PPP2R5D: variants seen among roughly 807,000 people sequenced by gnomAD.
PPP2R5D encodes protein phosphatase 2 regulatory subunit B'delta.
A neutral mutation model predicts 79.1 loss-of-function variants in PPP2R5D; 12 were observed. The observed-to-expected ratio is 0.15, with a 90% confidence interval of 0.10 to 0.25. PPP2R5D has a LOEUF of 0.25. PPP2R5D is among the 10% of genes least tolerant of loss of function. The pLI, the probability that PPP2R5D is intolerant of heterozygous loss-of-function variation, is 1.00. For synonymous variants in PPP2R5D, 277 were observed against 286.6 expected (o/e 0.97, Z 0.34); for missense variants, 419 against 760.2 (o/e 0.55, Z 5.28).
chr6:43,002,878 G>A (rs570368255), intron 2 of PPP2R5D, among the ~76,000 whole-genome samples: 34 of 152,274 alleles, frequency 2.2e-4, no homozygotes, highest in African/African-American at 7.2e-4. Flanking sequence ...GAGGCCAAGA[G>A]GTCACCTTTC....
rs549130448 is a variant in PPP2R5D at position 42,985,844 on chromosome 6, C to G, written c.27+1140C>G. 2.0e-5 allele frequency among the ~76,000 whole-genome samples: 3 copies of G among 146,674 alleles called. No homozygotes were observed. The East Asian group carries it at 6.0e-4, about 30-fold the overall frequency. On this transcript the variant is annotated intron_variant, in intron 1 of 15. Coordinates refer to ENST00000485511, the MANE Select transcript of PPP2R5D (RefSeq NM_006245.4). Reference sequence around the variant, plus strand: ...CCAGGCTGGAGTGCAATGGCGCGATCTCGGCTCACCACAACCTCTGCCTTC... The same window carrying G: ...CCAGGCTGGAGTGCAATGGCGCGATGTCGGCTCACCACAACCTCTGCCTTC...
chr6:43,001,267 G>A (rs9462863), intron 2 of PPP2R5D, among the ~76,000 whole-genome samples: 2 of 151,960 alleles, frequency 1.3e-5, no homozygotes, highest in Non-Finnish European at 2.9e-5. Context: ...TCAGCCTCCC[G>A]AGTAGCTGGG....
intron 2 of PPP2R5D, among the ~76,000 whole-genome samples, chr6:42,989,992 C>T (rs2150251569): frequency 6.6e-6 from 1 of 152,202 alleles, no homozygotes; most frequent in East Asian, 1.9e-4. Flanking sequence ...TTCTGGGATC[C>T]TGGGCAAAAG....
chr6:42,988,904 A>G (rs1483344747), intron 1 of PPP2R5D, among the ~76,000 whole-genome samples: 3 of 152,172 alleles, frequency 2.0e-5, no homozygotes, highest in African/African-American at 7.2e-5. Flanking sequence ...CTCGAAGCAT[A>G]GGAAGAGATG....
At chr6:42,999,699 C>T (rs1772040870) in intron 2 of PPP2R5D, among the ~76,000 whole-genome samples, 1 of 149,158 alleles carries the variant, frequency 6.7e-6, no homozygotes, top group African/African-American at 2.5e-5. Context: ...CTGAGTAGCT[C>T]GGATTACAGG....
chr6:43,009,050 C>G lies in PPP2R5D; in HGVS notation c.1081-7C>G. On this transcript the variant is annotated splice_region_variant and splice_polypyrimidine_tract_variant and intron_variant, in intron 10 of 15. Coordinates refer to ENST00000485511, the MANE Select transcript of PPP2R5D (RefSeq NM_006245.4). This position sits in a 1 kb window ranked among gnomAD's most constrained non-coding sequence, Gnocchi z 5.6. The stretch of plus-strand genomic sequence containing the variant: ...ATTTTCATCCCCATGCCCTCCTTGT[C>G]TCCCAGGTAATTGTGGGACTTCTCA... The G allele has an allele frequency of 6.2e-7, 1 of 1,613,012 alleles. No individual in the cohort carries two copies.
At chr6:42,997,443 C>T (rs1387416866) in intron 2 of PPP2R5D, among the ~76,000 whole-genome samples, 3 of 152,134 alleles carry the variant, frequency 2.0e-5, no homozygotes, top group African/African-American at 7.2e-5. Flanking sequence ...CTGCCCACCT[C>T]AGCCTCCCAA....
chr6:42,987,952 C>T (rs1770975247), intron 1 of PPP2R5D, among the ~76,000 whole-genome samples: 1 of 152,158 alleles, frequency 6.6e-6, no homozygotes, highest in Non-Finnish European at 1.5e-5. Context: ...CCTGCCTGCA[C>T]CCTGCCCCCG....
intron 1 of PPP2R5D, among the ~76,000 whole-genome samples, chr6:42,988,117 C>T (rs892101690): frequency 1.7e-4 from 26 of 152,296 alleles, no homozygotes; most frequent in African/African-American, 5.5e-4. Flanking sequence ...TCCTCCCCAC[C>T]TCCAAGAAGC....
intron 1 of PPP2R5D, among the ~76,000 whole-genome samples, chr6:42,986,234 A>G (rs1770834308): frequency 6.6e-6 from 1 of 152,116 alleles, no homozygotes; most frequent in South Asian, 2.1e-4. Flanking sequence ...AGACTCACAC[A>G]TAGGATGCTA....
chr6:43,002,525 G>A (rs1430400794), intron 2 of PPP2R5D, among the ~76,000 whole-genome samples: 2 of 152,072 alleles, frequency 1.3e-5, no homozygotes, highest in Non-Finnish European at 2.9e-5. Context: ...TACACACCAA[G>A]TGCTGGCCCC....
In PPP2R5D at chr6:42,984,674, C is replaced by G. The variant is rs778318166; in HGVS notation, c.-4C>G. The G allele has an allele frequency of 6.8e-6, 11 of 1,608,464 alleles. No individual in the cohort carries two copies. Among genetic ancestry groups the G allele is most frequent in the Non-Finnish European group, 9.3e-6 (11 of 1,177,926 alleles). ...GGAGACGGGCCGGGTCCGGACGGGC[C>G]GAGATGCCCTATAAACTGAAAAAGG... On this transcript the variant is annotated 5_prime_UTR_variant, in exon 1 of 16. Coordinates refer to ENST00000485511, the MANE Select transcript of PPP2R5D (RefSeq NM_006245.4).
rs1581787335 is a variant in PPP2R5D, at chr6:42,984,618, C to G, written c.-60C>G. The G allele has an allele frequency of 6.4e-7, 1 of 1,554,194 alleles. No homozygotes were observed. The highest frequency in any genetic ancestry group is 8.7e-7 in the Non-Finnish European group (1 of 1,151,268). On this transcript the variant is annotated 5_prime_UTR_variant, in exon 1 of 16. Coordinates refer to ENST00000485511, the MANE Select transcript of PPP2R5D (RefSeq NM_006245.4). Reference sequence around the variant, plus strand: ...AGACGCCGAGCGGGCCGAGTGCGGCCGAGCAAAGCCGGAGCCGGAGCGGGG... The same window carrying G: ...AGACGCCGAGCGGGCCGAGTGCGGCGGAGCAAAGCCGGAGCCGGAGCGGGG...
Position 43,006,352 on chromosome 6 carries a change from G to A in PPP2R5D, c.106-111G>A. The A allele has an allele frequency of 6.8e-7, 1 of 1,475,516 alleles. No individual in the cohort carries two copies. 91.4% of individuals were successfully genotyped at this position (1,475,516 alleles called of 1,614,324 possible). A position where few individuals can be genotyped will look rare whatever the true frequency, so the allele number is the denominator to read the frequency against. On this transcript the variant is annotated intron_variant, in intron 2 of 15. Transcript: ENST00000485511. The surrounding 1 kb of genome is among the most constrained non-coding windows in gnomAD (Gnocchi z 4.7). Reference sequence around the variant, plus strand: ...CTTAGCTCCTTCGGGGCAGGAGACAGCTGCTCACTGCCCAGGCCTGTGCAG... The same window carrying A: ...CTTAGCTCCTTCGGGGCAGGAGACAACTGCTCACTGCCCAGGCCTGTGCAG...
chr6:42,995,681 T>C (rs141975465), intron 2 of PPP2R5D, among the ~76,000 whole-genome samples: 4,353 of 151,404 alleles, frequency 0.029, 185 homozygotes, highest in African/African-American at 0.094. Flanking sequence ...GTCTCCCAAG[T>C]AGCTGGGACT....
At chr6:42,985,913 A>T (rs1055283554) in intron 1 of PPP2R5D, among the ~76,000 whole-genome samples, 1 of 151,680 alleles carries the variant, frequency 6.6e-6, no homozygotes, top group Non-Finnish European at 1.5e-5. Flanking sequence ...AAGTAGCTGG[A>T]ATTACAGGCA....
intron 2 of PPP2R5D, among the ~76,000 whole-genome samples, chr6:42,990,803 G>A (rs887255556): frequency 2.8e-5 from 4 of 143,394 alleles, no homozygotes; most frequent in African/African-American, 8.1e-5. Context: ...TCCACCTCCC[G>A]GGTTCAAGCA....
At position 43,011,000 on chromosome 6, in the gene PPP2R5D, G is replaced by A. The variant is rs762419342; in HGVS notation, c.1671+3G>A. The A allele has an allele frequency of 6.2e-7, 1 of 1,613,132 alleles. No individual in the cohort carries two copies. Among genetic ancestry groups the A allele is most frequent in the Non-Finnish European group, 8.5e-7 (1 of 1,179,076 alleles). The stretch of plus-strand genomic sequence containing the variant: ...CTGTGGAGACTGAGGCTGTTCAGGT[G>A]GGAGGGCAATGTAGGGGGATGGAGC... On this transcript the variant is annotated splice_donor_region_variant and intron_variant, in intron 15 of 15. Coordinates refer to ENST00000485511, the MANE Select transcript of PPP2R5D (RefSeq NM_006245.4). This position sits in a 1 kb window ranked among gnomAD's most constrained non-coding sequence, Gnocchi z 4.7.
Position 43,008,384 on chromosome 6 carries a change from C to T in PPP2R5D, c.935C>T (p.Ala312Val). ...ATTCCTAGCATCATCAATGGCTTTG[C>T]CCTGCCCCTTAAAGAAGAGCACAAG... ...EILGSIINGF[A>V]LPLKEEHKMF... is the part of the protein sequence containing the mutation. The change falls in exon 9 of 16, where the codon GCC becomes GTC. Residue 312 changes from alanine to valine, a missense_variant. By Grantham distance (64) the Ala-to-Val change is moderately conservative (BLOSUM62 0). Coordinates refer to ENST00000485511, the MANE Select transcript of PPP2R5D (RefSeq NM_006245.4). The surrounding 1 kb of genome is among the most constrained non-coding windows in gnomAD (Gnocchi z 4.2). 1 of 1,614,070 alleles carries T rather than the reference C, an allele frequency of 6.2e-7. No homozygotes were observed. Among genetic ancestry groups the T allele is most frequent in the Non-Finnish European group, 8.5e-7 (1 of 1,179,978 alleles).
Sources: allele counts gnomAD v4.1 joint callset (sites outside exome capture counted in the v4.1 genomes callset), GRCh38; gene constraint gnomAD v4.1.1; non-coding constraint Gnocchi (gnomAD v3.1); transcripts MANE v1.5; gene names NCBI Gene and HGNC (gene_info 2026-07-23, HGNC 2026-07-21).